The following IMPG2 variants were observed in gnomAD, a reference collection of about 807,000 sequenced individuals.
IMPG2 encodes the protein interphotoreceptor matrix proteoglycan 2.
A neutral mutation model predicts 129.2 loss-of-function variants in IMPG2; 91 were observed. The observed-to-expected ratio is 0.70, with a 90% CI of 0.59 to 0.84. The LOEUF is 0.84. Ranked by LOEUF, IMPG2 falls within the 40% of genes least tolerant of loss-of-function variation. The probability of loss-of-function intolerance (pLI) is 0.00; values close to 1 mark genes in which losing one functional copy is unlikely to be tolerated. For missense variants in IMPG2, 1,430 were observed against 1,461.7 expected (o/e 0.98, Z 0.35); for synonymous variants, 510 against 517.7 (o/e 0.99, Z 0.20).
chr3:101,251,833 A>C (rs1340640245), intron 11 of IMPG2, among the ~76,000 whole-genome samples: 2 of 152,154 alleles, frequency 1.3e-5, no homozygotes, highest in Non-Finnish European at 2.9e-5. Context: ...GGGGGAAAAA[A>C]CCCACCTCAC....
Position 101,223,599 on chromosome 3 carries a change from G to T in IMPG2, c.*3370C>A, listed in dbSNP as rs1706187732. The T allele has an allele frequency of 6.6e-6, 1 of 152,146 alleles. No homozygotes were observed. Among genetic ancestry groups the T allele is most frequent in the Non-Finnish European group, 1.5e-5 (1 of 68,030 alleles). The allele number at this position is 152,146 out of a possible 1,614,324, so 9.4% of individuals were successfully genotyped here. The stretch of plus-strand genomic sequence containing the variant: ...GCATACAAATGAATAATTAGTTCAG[G>T]TATCATACTTCAGCCAACCTACTTT... On this transcript the variant is annotated 3_prime_UTR_variant, in exon 19 of 19. Coordinates refer to ENST00000193391, the MANE Select transcript of IMPG2 (RefSeq NM_016247.4).
Position 101,226,743 on chromosome 3 carries a change from T to G in IMPG2, c.*226A>C. Reference sequence around the variant, plus strand: ...TTCCAGAGTTTACGTAGTTTTCAATTTATTTAAACACAGCATTCAGTCTTT... The same window carrying G: ...TTCCAGAGTTTACGTAGTTTTCAATGTATTTAAACACAGCATTCAGTCTTT... On this transcript the variant is annotated 3_prime_UTR_variant, in exon 19 of 19. Coordinates refer to ENST00000193391, the MANE Select transcript of IMPG2 (RefSeq NM_016247.4). 1 of 525,666 alleles carries G rather than the reference T, an allele frequency of 1.9e-6. No homozygotes were observed. The highest frequency in any genetic ancestry group is 3.0e-5 in the South Asian group (1 of 33,436). The allele number at this position is 525,666 out of a possible 1,614,324, so 32.6% of individuals were successfully genotyped here.
chr3:101,231,218 T>C, intron 15 of IMPG2, 73 bp from the exon 16 acceptor site: 3 of 1,397,000 alleles, frequency 2.1e-6, no homozygotes, highest in Non-Finnish European at 3.1e-6. Flanking sequence ...CAGAACCTTC[T>C]GAGGGACTAG....
Position 101,267,525 on chromosome 3 carries a change from G to A in IMPG2, c.894C>T (p.Pro298=). The A allele has an allele frequency of 2.5e-6, 4 of 1,610,810 alleles. No individual in the cohort carries two copies. Among genetic ancestry groups the A allele is most frequent in the Non-Finnish European group, 3.4e-6 (4 of 1,177,202 alleles). Reference sequence around the variant, plus strand: ...CCAAAAAGTACCTGTCATTTTCCTTGGGGGACCTGAAAACAAAAATTAAAA... The same window carrying A: ...CCAAAAAGTACCTGTCATTTTCCTTAGGGGACCTGAAAACAAAAATTAAAA... ...KEIRVLEFRS[P]KENDSGVDVY... is the part of the protein sequence containing the mutation. The change falls in exon 9 of 19, where the codon CCC becomes CCT. Residue 298 remains proline (P), a synonymous_variant. Transcript: ENST00000193391.
intron 14 of IMPG2, among the ~76,000 whole-genome samples, chr3:101,234,449 TAA>T (rs1706324506): frequency 6.6e-6 from 1 of 152,034 alleles, no homozygotes; most frequent in Non-Finnish European, 1.5e-5. Context: ...TGTGGGAGAA[TAA>T]ATTCCTGTTG....
At chr3:101,251,530 C>A (rs1466947281) in intron 11 of IMPG2, among the ~76,000 whole-genome samples, 2 of 152,140 alleles carry the variant, frequency 1.3e-5, no homozygotes, top group Admixed American at 6.6e-5. Flanking sequence ...CTTGTGCATT[C>A]TTTTAGTTCA....
Position 101,224,220 on chromosome 3 carries a change from G to C in IMPG2, c.*2749C>G, listed in dbSNP as rs758107019. The C allele has an allele frequency of 6.6e-6, 1 of 152,110 alleles. No homozygotes were observed. The highest frequency in any genetic ancestry group is 1.5e-5 in the Non-Finnish European group (1 of 68,036). The allele number at this position is 152,110 out of a possible 1,614,324, so 9.4% of individuals were successfully genotyped here. On this transcript the variant is annotated 3_prime_UTR_variant, in exon 19 of 19. Transcript: ENST00000193391. ...AACACCCTTAAACCATTGCAATGGT[G>C]AAAATGGAGCCCTATTTATCAAATA...
chr3:101,271,186 G>A (rs1197038762), intron 7 of IMPG2, among the ~76,000 whole-genome samples: 1 of 152,216 alleles, frequency 6.6e-6, no homozygotes, highest in Non-Finnish European at 1.5e-5. Context: ...TCAGAAGGCT[G>A]AGGGTTAGTC....
intron 9 of IMPG2, among the ~76,000 whole-genome samples, chr3:101,263,108 T>A (rs1433908063): frequency 6.6e-6 from 1 of 151,912 alleles, no homozygotes; most frequent in Non-Finnish European, 1.5e-5. Context: ...AGTTGAGGAC[T>A]TCAACACCCC....
At chr3:101,250,294 G>A (rs1706530056) in intron 11 of IMPG2, among the ~76,000 whole-genome samples, 1 of 152,126 alleles carries the variant, frequency 6.6e-6, no homozygotes, top group Non-Finnish European at 1.5e-5. Context: ...CCAGAGAAAT[G>A]GAAGACAACA....
chr3:101,264,819 A>G (rs1020445544), intron 9 of IMPG2, among the ~76,000 whole-genome samples: 1 of 152,110 alleles, frequency 6.6e-6, no homozygotes, highest in Non-Finnish European at 1.5e-5. Context: ...CCATTAAAAA[A>G]ACTCCTAGAT....
At chr3:101,241,990 T>C (rs1043468992) in intron 14 of IMPG2, among the ~76,000 whole-genome samples, 1 of 151,322 alleles carries the variant, frequency 6.6e-6, no homozygotes, top group Non-Finnish European at 1.5e-5. Context: ...GGTCACACCA[T>C]TACACTCCAG....
rs575001077 is a variant in IMPG2, at chr3:101,297,362, AT to A, written c.502-5853del. Among the ~76,000 whole-genome samples, 120 of 147,258 alleles carry A rather than the reference AT, an allele frequency of 8.1e-4. 1 individual carries two copies. The highest frequency in any genetic ancestry group is 3.6e-3 in the Middle Eastern group (1 of 278). On this transcript the variant is annotated intron_variant, in intron 3 of 18. Transcript: ENST00000193391. ...AGAAAACCAGCTCCTGGATTAATTG[AT>A]TTTTTTTTTTGGAGGATTTTTTGTG...
At position 101,232,898 on chromosome 3, in the gene IMPG2, A is replaced by T. The variant is rs1197777965; in HGVS notation, c.3116T>A (p.Phe1039Tyr). ...TTCTTCCACACTCAGGTATCCAGGG[A>T]AGCATCTGCACTTTGCTTCTCCACT... ...PWSGEAKCRC[F>Y]PGYLSVEERP... The change falls in exon 15 of 19, where the codon TTC (phenylalanine) becomes TAC (tyrosine). Residue 1039 changes from phenylalanine (F) to tyrosine (Y), a missense_variant. By Grantham distance (22) the Phe-to-Tyr change is conservative. Coordinates refer to ENST00000193391, the MANE Select transcript of IMPG2 (RefSeq NM_016247.4). The T allele has an allele frequency of 3.1e-6, 5 of 1,613,916 alleles. No individual in the cohort carries two copies. In the East Asian group the frequency reaches 6.7e-5, roughly 22 times the overall value.
chr3:101,230,917 G>A (rs1448801381), intron 16 of IMPG2, 40 bp downstream of exon 16: 1 of 1,563,286 alleles, frequency 6.4e-7, no homozygotes, highest in Non-Finnish European at 8.8e-7. Context: ...TGTGTAAATG[G>A]AACATTGTAT....
intron 9 of IMPG2, among the ~76,000 whole-genome samples, chr3:101,263,292 C>T (rs374028980): frequency 2.6e-5 from 4 of 152,006 alleles, no homozygotes; most frequent in South Asian, 2.1e-4. Context: ...TTTTCCATGA[C>T]TGACCATATG....
At chr3:101,308,091 G>A (rs1360327604) in intron 2 of IMPG2, among the ~76,000 whole-genome samples, 2 of 152,232 alleles carry the variant, frequency 1.3e-5, no homozygotes, top group Non-Finnish European at 2.9e-5. Flanking sequence ...ACAGTCTTGG[G>A]CAGCTCCACT....
rs1468991252 is a variant in IMPG2 at position 101,248,348 on chromosome 3, T to C, written c.1240-2243A>G. On this transcript the variant is annotated intron_variant, in intron 11 of 18. Transcript: ENST00000193391. ...CATGTGACACGTGCCTTTCACCTTG[T>C]GCCATAATTGTGAGGCCTCCTGAGC... Among the ~76,000 whole-genome samples, 3 of 152,240 alleles carry C rather than the reference T, an allele frequency of 2.0e-5. No homozygotes were observed. The East Asian group carries it at 5.8e-4, about 29-fold the overall frequency.
intron 4 of IMPG2, among the ~76,000 whole-genome samples, chr3:101,290,406 A>C (rs990457397): frequency 6.6e-6 from 1 of 152,082 alleles, no homozygotes; most frequent in African/African-American, 2.4e-5. Context: ...ACTACTTGGG[A>C]GGCAGAAGTG....
Sources: allele counts gnomAD v4.1 joint callset (sites outside exome capture counted in the v4.1 genomes callset), GRCh38; gene constraint gnomAD v4.1.1; transcripts MANE v1.5; gene names NCBI Gene and HGNC (gene_info 2026-07-23, HGNC 2026-07-21).